The following KANSL1 variants were observed in gnomAD, a reference collection of about 807,000 sequenced individuals.
The protein encoded by KANSL1 is MLL1/MLL complex subunit KANSL1.
KANSL1 carries 22 observed loss-of-function variants against 103.6 expected under a neutral mutation model. The ratio of observed to expected loss-of-function variants is 0.21; its 90% CI spans 0.15 to 0.30. The LOEUF is 0.30. Among genes scored for constraint, KANSL1 ranks in the 10% least tolerant of loss-of-function variants. KANSL1 has a pLI of 1.00. For missense variants in KANSL1, 1,337 were observed against 1,399.8 expected (o/e 0.96, Z 0.72); for synonymous variants, 600 against 527.6 (o/e 1.14, Z -1.88).
At chr17:46,096,974 A>C (rs2042115383) in intron 2 of KANSL1, among the ~76,000 whole-genome samples, 1 of 152,114 alleles carries the variant, frequency 6.6e-6, no homozygotes, top group Admixed American at 6.5e-5. Context: ...TATGGTGTCC[A>C]GGTTGTTCTC....
chr17:46,224,149 C>T (rs2048612595), upstream of KANSL1, among the ~76,000 whole-genome samples: 1 of 152,216 alleles, frequency 6.6e-6, no homozygotes, highest in African/African-American at 2.4e-5. Context: ...AAGACCCTTG[C>T]CACATTTAAT....
intron 14 of KANSL1, 33 bp downstream of exon 14, chr17:46,032,014 A>T: frequency 6.2e-7 from 1 of 1,613,266 alleles, no homozygotes; most frequent in Non-Finnish European, 8.5e-7. Flanking sequence ...TCCCCCAACC[A>T]TGCCAACCCC....
At chr17:46,093,857 A>G (rs1188831432) in intron 3 of KANSL1, 1 of 152,272 alleles carries the variant, frequency 6.6e-6, no homozygotes, top group African/African-American at 2.4e-5. Context: ...ATTTTTGAGA[A>G]CACTGCTGAG....
chr17:46,152,271 C>T (rs1053537882), intron 2 of KANSL1, among the ~76,000 whole-genome samples: 4 of 152,220 alleles, frequency 2.6e-5, no homozygotes, highest in Admixed American at 2.6e-4. Context: ...TAAATACTAA[C>T]CTGACATTGA....
At chr17:46,179,753 G>A (rs1231982641) in intron 1 of KANSL1, among the ~76,000 whole-genome samples, 2 of 152,196 alleles carry the variant, frequency 1.3e-5, no homozygotes, top group East Asian at 3.9e-4. Flanking sequence ...GGGAAAAGGC[G>A]ACATTCTGAA....
At chr17:46,158,011 G>A (rs894960683) in intron 2 of KANSL1, among the ~76,000 whole-genome samples, 4 of 152,212 alleles carry the variant, frequency 2.6e-5, no homozygotes, top group Non-Finnish European at 1.5e-5. Context: ...AAGACCTGAA[G>A]AAAATTTTAG....
At chr17:46,140,175 A>G (rs1451669518) in intron 2 of KANSL1, among the ~76,000 whole-genome samples, 1 of 152,218 alleles carries the variant, frequency 6.6e-6, no homozygotes, top group Non-Finnish European at 1.5e-5. Context: ...TTTACTGCAG[A>G]TATCTGGAAA....
At chr17:46,198,426 A>T (rs1024705995), upstream of KANSL1, among the ~76,000 whole-genome samples, 95 of 90,596 alleles carry the variant, frequency 1.0e-3, 5 homozygotes, top group East Asian at 3.1e-3. Flanking sequence ...TTTAATTAAA[A>T]AAAAAAAAAA....
At chr17:46,176,775 A>C (rs1731489779) in intron 1 of KANSL1, among the ~76,000 whole-genome samples, 1 of 152,168 alleles carries the variant, frequency 6.6e-6, no homozygotes, top group African/African-American at 2.4e-5. Context: ...TACACTTCAA[A>C]GACAATAGTT....
chr17:46,046,304 TG>T (rs1186320061), intron 7 of KANSL1, among the ~76,000 whole-genome samples: 3 of 150,368 alleles, frequency 2.0e-5, no homozygotes, highest in African/African-American at 7.3e-5. Flanking sequence ...GAAGCCAAGA[TG>T]GGTAGATCGC....
intron 2 of KANSL1, among the ~76,000 whole-genome samples, chr17:46,165,218 CTTTT>C (rs68072864): frequency 0.12 from 18,432 of 149,630 alleles, 22 homozygotes; most frequent in Middle Eastern, 0.19. Flanking sequence ...GTAAGAGTTA[CTTTT>C]TTTTATTTTT....
chr17:46,059,064 AAG>A lies in KANSL1; in HGVS notation c.1848+7471_1848+7472del, dbSNP rs913626262. 3.9e-4 allele frequency among the ~76,000 whole-genome samples: 59 copies of A among 151,442 alleles called. 1 individual carries two copies. The highest frequency in any genetic ancestry group is 1.4e-3 in the African/African-American group (56 of 41,282). ...TCCATCTCGGAAAAAAAAAAAAAGA[AAG>A]AAAGAAAAAAAAAAGAGCAGAGCTT... On this transcript the variant is annotated intron_variant, in intron 6 of 14. Coordinates refer to ENST00000432791, the MANE Select transcript of KANSL1 (RefSeq NM_015443.4).
chr17:46,195,552 A>T (rs570402895), upstream of KANSL1, among the ~76,000 whole-genome samples: 31 of 152,314 alleles, frequency 2.0e-4, no homozygotes, highest in South Asian at 4.1e-4. Flanking sequence ...CATCTTTCTT[A>T]TTAGGCATCC....
At position 46,031,459 on chromosome 17, in the gene KANSL1, A is replaced by G; in HGVS notation, c.*17T>C. ...ATGCCAATAGTTAGTGAGTCTGTTTAGATGGCTGTCTCCCGCTCATCTGTG... is the reference window on the plus strand; with the variant it reads ...ATGCCAATAGTTAGTGAGTCTGTTTGGATGGCTGTCTCCCGCTCATCTGTG... On this transcript the variant is annotated 3_prime_UTR_variant, in exon 15 of 15. Transcript: ENST00000432791. 6.3e-7 allele frequency: 1 copy of G among 1,580,858 alleles called. No homozygotes were observed. Among genetic ancestry groups the G allele is most frequent in the Non-Finnish European group, 8.6e-7 (1 of 1,157,396 alleles).
chr17:46,105,819 C>A (rs959741657), intron 2 of KANSL1, among the ~76,000 whole-genome samples: 1 of 150,958 alleles, frequency 6.6e-6, no homozygotes, highest in Admixed American at 6.6e-5. Context: ...TGCAGTGAGT[C>A]GAGACTGCGC....
intron 2 of KANSL1, among the ~76,000 whole-genome samples, chr17:46,134,016 C>G (rs2043998111): frequency 1.3e-5 from 2 of 152,176 alleles, no homozygotes; most frequent in South Asian, 4.1e-4. Context: ...TCTAGACTTA[C>G]TGCACACTGT....
rs902139140 is a variant in KANSL1, at chr17:46,146,781, C to T, written c.1289+24074G>A. ...CCGGGAGGCGGAGCTTGCAGTGAGC[C>T]GAGATCCCGCCACTGCACTCCAGCC... is the stretch of plus-strand genomic sequence containing the variant. On this transcript the variant is annotated intron_variant, in intron 2 of 14. Coordinates refer to ENST00000432791, the MANE Select transcript of KANSL1 (RefSeq NM_015443.4). 1.1e-3 allele frequency among the ~76,000 whole-genome samples: 118 copies of T among 104,348 alleles called. 3 individuals carry two copies. The highest frequency in any genetic ancestry group is 7.3e-4 in the African/African-American group (25 of 34,158). The allele number at this position is 104,348 out of a possible 152,430, so 68.5% of individuals were successfully genotyped here. A position where few individuals can be genotyped will look rare whatever the true frequency, so the allele number is the denominator to read the frequency against.
At chr17:46,221,851 T>C (rs1167868559) in intron 1 of KANSL1, 2 of 151,680 alleles carry the variant, frequency 1.3e-5, no homozygotes, top group African/African-American at 2.4e-5. Context: ...AATCTGAAAC[T>C]ACATCTTAGA....
At position 46,172,150 on chromosome 17, in the gene KANSL1, CAG is replaced by C; in HGVS notation, c.-9_-8del. ...CGGGCGCCATCGCAGCCATTCAGCA[CAG>C]AGAGACAGGAAGTCCAGCCTCTCCC... On this transcript the variant is annotated 5_prime_UTR_variant, in exon 2 of 15. Transcript: ENST00000432791. The C allele has an allele frequency of 6.2e-7, 1 of 1,600,640 alleles. No homozygotes were observed. Among genetic ancestry groups the C allele is most frequent in the Non-Finnish European group, 8.5e-7 (1 of 1,179,340 alleles).
Sources: gnomAD v4.1 joint callset for allele counts (sites outside exome capture counted in the v4.1 genomes callset) on GRCh38, gnomAD v4.1.1 for gene constraint, MANE v1.5 for transcripts, NCBI Gene and HGNC (gene_info 2026-07-23, HGNC 2026-07-21) for gene names.